The following TCF7L2 variants were observed in gnomAD, a reference collection of about 807,000 sequenced individuals.
TCF7L2 encodes the protein transcription factor 7 like 2.
Under a neutral mutation model 77.9 loss-of-function variants are expected in TCF7L2, and 23 were observed. That is an observed-to-expected ratio of 0.30 (90% confidence interval 0.21 to 0.42). The LOEUF (loss-of-function observed/expected upper bound fraction) is 0.42. Ranked by LOEUF, TCF7L2 falls within the 10% of genes least tolerant of loss-of-function variation. The pLI, the probability that TCF7L2 is intolerant of heterozygous loss-of-function variation, is 1.00. For missense variants in TCF7L2, 654 were observed against 793.1 expected, an observed-to-expected ratio of 0.82 and a Z score of 2.11; for synonymous variants, 413 against 340.2, an observed-to-expected ratio of 1.21 and a Z score of -2.36.
rs2137652351 is a variant in TCF7L2 at position 113,165,758 on chromosome 10, T to C, written c.1595T>C (p.Met532Thr). ...GACCCCCTGGCCCACCTGTCCATGA[T>C]GCCTCCGCCACCCGCCCTCCTGCTC... The change falls in exon 14 of 14, where the codon ATG (methionine) becomes ACG (threonine). Residue 532 changes from methionine to threonine, a missense_variant. Physicochemically the swap from Met to Thr is moderately conservative, Grantham distance 81. Around this residue, in one of 6 missense-constraint regions of TCF7L2, gnomAD observed 272 missense variants for 215.4 expected, o/e 1.26. Transcript: ENST00000627217. 1.9e-6 allele frequency: 3 copies of C among 1,610,348 alleles called. No individual in the cohort carries two copies. The highest frequency in any genetic ancestry group is 2.5e-6 in the Non-Finnish European group (3 of 1,178,346).
chr10:113,006,541 T>C (rs976612196), intron 4 of TCF7L2, among the ~76,000 whole-genome samples: 4 of 152,182 alleles, frequency 2.6e-5, no homozygotes, highest in Non-Finnish European at 4.4e-5. Flanking sequence ...GTGTTACCTG[T>C]GTAACCACGA....
intron 5 of TCF7L2, among the ~76,000 whole-genome samples, chr10:113,067,666 G>C (rs2057422966): frequency 6.6e-6 from 1 of 152,168 alleles, no homozygotes; most frequent in African/African-American, 2.4e-5. Flanking sequence ...AGGGGAAGGA[G>C]TCCTCGGCTG....
chr10:112,963,724 A>G (rs1185453085), intron 3 of TCF7L2, among the ~76,000 whole-genome samples: 1 of 152,210 alleles, frequency 6.6e-6, no homozygotes, highest in East Asian at 1.9e-4. Flanking sequence ...TGGGTGAACA[A>G]TCTTGCTCTT....
intron 3 of TCF7L2, among the ~76,000 whole-genome samples, chr10:112,954,843 G>A (rs1035611512): frequency 6.6e-6 from 1 of 152,056 alleles, no homozygotes; most frequent in African/African-American, 2.4e-5. Flanking sequence ...CTTTTCAACC[G>A]AGCTCTTTGC....
intron 5 of TCF7L2, among the ~76,000 whole-genome samples, chr10:113,043,607 C>T (rs1483652709): frequency 6.6e-6 from 1 of 152,098 alleles, no homozygotes; most frequent in Non-Finnish European, 1.5e-5. Flanking sequence ...TCTTCCTTCC[C>T]CATACTCCCC....
intron 5 of TCF7L2, chr10:113,126,582 C>T (rs189966089): frequency 0.021 from 20,417 of 985,252 alleles, 260 homozygotes; most frequent in Non-Finnish European, 0.023. Context: ...TAAACGCCCC[C>T]TCCCTTTTGT....
At chr10:113,042,950 C>G (rs1242582319) in intron 5 of TCF7L2, among the ~76,000 whole-genome samples, 1 of 152,146 alleles carries the variant, frequency 6.6e-6, no homozygotes, top group Non-Finnish European at 1.5e-5. Context: ...TAACTTTTCT[C>G]CAGACACTTG....
chr10:113,099,887 A>G (rs1182034446), intron 5 of TCF7L2, among the ~76,000 whole-genome samples: 1 of 152,162 alleles, frequency 6.6e-6, no homozygotes, highest in Non-Finnish European at 1.5e-5. Flanking sequence ...CATCCAGAAC[A>G]CAGTTGTAGC....
chr10:113,149,492 A>G (rs1312662607), intron 8 of TCF7L2, among the ~76,000 whole-genome samples: 2 of 152,242 alleles, frequency 1.3e-5, no homozygotes, highest in Non-Finnish European at 2.9e-5. Context: ...AATCAGCATT[A>G]ACTTTCCTTC....
At chr10:113,019,078 A>G (rs1176842461) in intron 4 of TCF7L2, among the ~76,000 whole-genome samples, 1 of 152,188 alleles carries the variant, frequency 6.6e-6, no homozygotes, top group Non-Finnish European at 1.5e-5. Context: ...CAGATAGAGA[A>G]GGTGGAAGCA....
intron 5 of TCF7L2, among the ~76,000 whole-genome samples, chr10:113,049,981 G>T (rs1448794378): frequency 6.6e-6 from 1 of 152,138 alleles, no homozygotes; most frequent in African/African-American, 2.4e-5. Context: ...ATCCTGAGTG[G>T]GACCCAGATG....
chr10:113,105,856 T>C (rs2062236717), intron 5 of TCF7L2, among the ~76,000 whole-genome samples: 1 of 152,220 alleles, frequency 6.6e-6, no homozygotes, highest in African/African-American at 2.4e-5. Context: ...CAAACGGCCC[T>C]TGGGGCTCTG....
intron 5 of TCF7L2, among the ~76,000 whole-genome samples, chr10:113,096,516 T>A (rs1027171586): frequency 2.6e-5 from 4 of 152,168 alleles, no homozygotes; most frequent in African/African-American, 7.2e-5. Context: ...CATCCAGTGT[T>A]CTCTGTCACG....
chr10:113,044,900 T>C (rs2053153930), intron 5 of TCF7L2, among the ~76,000 whole-genome samples: 2 of 152,058 alleles, frequency 1.3e-5, no homozygotes, highest in African/African-American at 2.4e-5. Flanking sequence ...GGGGAGTCAT[T>C]TGAGCAGGTT....
Position 113,088,419 on chromosome 10 carries a change from C to G in TCF7L2, c.552+48293C>G, listed in dbSNP as rs115918928. 6.2e-3 allele frequency among the ~76,000 whole-genome samples: 943 copies of G among 152,180 alleles called. 5 individuals are homozygous for G. The highest frequency in any genetic ancestry group is 0.02 in the Middle Eastern group (6 of 294). On this transcript the variant is annotated intron_variant, in intron 5 of 13. Transcript: ENST00000627217. ...GTGAAATGGGCATGATACTACCTACCTCATAAGGTAGGGGTGAGGATTAAT... is the reference window on the plus strand; with the variant it reads ...GTGAAATGGGCATGATACTACCTACGTCATAAGGTAGGGGTGAGGATTAAT...
At chr10:112,982,441 T>G (rs1353451650) in intron 4 of TCF7L2, among the ~76,000 whole-genome samples, 6 of 152,188 alleles carry the variant, frequency 3.9e-5, no homozygotes. Flanking sequence ...GTGGGGTGTT[T>G]CTGGGCAAAC....
intron 5 of TCF7L2, among the ~76,000 whole-genome samples, chr10:113,100,834 G>C (rs1487594205): frequency 6.6e-6 from 1 of 152,220 alleles, no homozygotes; most frequent in East Asian, 1.9e-4. Flanking sequence ...CCAGCATTTT[G>C]GGAGGCTGAC....
chr10:113,163,716 C>A (rs1302384611), intron 13 of TCF7L2, among the ~76,000 whole-genome samples: 1 of 151,980 alleles, frequency 6.6e-6, no homozygotes, highest in Non-Finnish European at 1.5e-5. Flanking sequence ...GGTGCTTGCT[C>A]CCCTAGAGTT....
intron 3 of TCF7L2, among the ~76,000 whole-genome samples, chr10:112,955,951 C>G (rs983838105): frequency 2.0e-5 from 3 of 150,776 alleles, no homozygotes; most frequent in African/African-American, 7.3e-5. Flanking sequence ...TTACATCCCA[C>G]GAGGTGCCCC....
Sources: allele counts gnomAD v4.1 joint callset (sites outside exome capture counted in the v4.1 genomes callset), GRCh38; gene constraint gnomAD v4.1.1; regional missense constraint gnomAD v4.1.1; transcripts MANE v1.5; gene names NCBI Gene and HGNC (gene_info 2026-07-23, HGNC 2026-07-21).